TNR: variants seen among roughly 807,000 people sequenced by gnomAD.
The protein encoded by TNR is tenascin-R.
In TNR, 45 loss-of-function variants were observed where a neutral mutation model predicts 150.4. The ratio of observed to expected loss-of-function variants is 0.30; its 90% CI spans 0.24 to 0.38. TNR has a LOEUF of 0.38. Ranked by LOEUF, TNR falls within the 10% of genes least tolerant of loss-of-function variation. The pLI, the probability that TNR is intolerant of heterozygous loss-of-function variation, is 1.00. For synonymous variants in TNR, 687 were observed against 678.4 expected (o/e 1.01, Z -0.20); for missense variants, 1,544 against 1,759.1 (o/e 0.88, Z 2.19).
intron 2 of TNR, among the ~76,000 whole-genome samples, chr1:175,513,563 C>T (rs2102161615): frequency 6.6e-6 from 1 of 152,288 alleles, no homozygotes; most frequent in East Asian, 1.9e-4. Flanking sequence ...AGAAGCCCTC[C>T]TCATCTCAAG....
chr1:175,590,056 T>C (rs1662738241), intron 1 of TNR, among the ~76,000 whole-genome samples: 2 of 152,192 alleles, frequency 1.3e-5, no homozygotes, highest in African/African-American at 4.8e-5. Flanking sequence ...CAGACCCTAG[T>C]ATGATTTGAT....
chr1:175,391,469 G>T, intron 6 of TNR, 31 bp from the exon 7 acceptor site: 1 of 1,605,150 alleles, frequency 6.2e-7, no homozygotes, highest in South Asian at 1.1e-5. Context: ...GAGAGCAAAA[G>T]AGAAAAGTCA....
chr1:175,540,589 A>G (rs1218722110), intron 1 of TNR, among the ~76,000 whole-genome samples: 1 of 152,138 alleles, frequency 6.6e-6, no homozygotes, highest in Non-Finnish European at 1.5e-5. Flanking sequence ...GGGAGCAGAC[A>G]AGTACCCCAG....
At position 175,324,383 on chromosome 1, in the gene TNR, C is replaced by T. The variant is rs1296083247; in HGVS notation, c.3930G>A (p.Gly1310=). Residue 1310 remains glycine (G), a synonymous_variant, in exon 22 of 23, where the codon GGG becomes GGA. Transcript: ENST00000367674. Reference sequence around the variant, plus strand: ...GACTGTGCCTGGACTCCCCGTACTTCCCATTGAGGTTGGTCCGGTGGCAGT... The same window carrying T: ...GACTGTGCCTGGACTCCCCGTACTTTCCATTGAGGTTGGTCCGGTGGCAGT... The part of the protein sequence containing the change: ...YKNCHRTNLN[G]KYGESRHSQG... 2.5e-6 allele frequency: 4 copies of T among 1,614,034 alleles called. No homozygotes were observed. The East Asian group carries it at 8.9e-5, about 36-fold the overall frequency.
chr1:175,455,891 G>A (rs188332936), intron 2 of TNR, among the ~76,000 whole-genome samples: 9 of 152,268 alleles, frequency 5.9e-5, no homozygotes, highest in Non-Finnish European at 1.2e-4. Context: ...CCTGCATATG[G>A]AGGGACCACA....
chr1:175,465,183 C>A (rs1656977622), intron 2 of TNR, among the ~76,000 whole-genome samples: 1 of 152,190 alleles, frequency 6.6e-6, no homozygotes, highest in Admixed American at 6.5e-5. Flanking sequence ...AGCCTATAAT[C>A]CCAGCTCTAC....
At chr1:175,617,094 A>G (rs74127361) in intron 1 of TNR, among the ~76,000 whole-genome samples, 2,115 of 152,120 alleles carry the variant, frequency 0.014, 50 homozygotes, top group African/African-American at 0.049. Context: ...TCTTTCTTCT[A>G]TTAAGGAGTA....
chr1:175,684,991 G>A (rs1666145530), intron 1 of TNR, among the ~76,000 whole-genome samples: 1 of 151,970 alleles, frequency 6.6e-6, no homozygotes, highest in Non-Finnish European at 1.5e-5. Context: ...TTCCTTTCTG[G>A]CTTTTCCTAT....
intron 1 of TNR, among the ~76,000 whole-genome samples, chr1:175,682,667 G>A (rs536148575): frequency 6.6e-6 from 1 of 152,240 alleles, no homozygotes; most frequent in South Asian, 2.1e-4. Flanking sequence ...AAAGGTGCCT[G>A]CCCTGAGACG....
chr1:175,359,476 A>G (rs1053392423), intron 15 of TNR, 136 bp downstream of exon 15: 3 of 1,371,312 alleles, frequency 2.2e-6, no homozygotes, highest in Non-Finnish European at 3.0e-6. Flanking sequence ...AGGGCTTCAT[A>G]GTATACCTGA....
At chr1:175,712,589 G>A (rs754655308) in intron 1 of TNR, among the ~76,000 whole-genome samples, 1 of 152,106 alleles carries the variant, frequency 6.6e-6, no homozygotes, top group Non-Finnish European at 1.5e-5. Flanking sequence ...TGCTGGTGGT[G>A]GGGCCTGGTG....
chr1:175,484,816 A>G (rs1657944013), intron 2 of TNR, among the ~76,000 whole-genome samples: 1 of 152,208 alleles, frequency 6.6e-6, no homozygotes. Context: ...TGGAAGAAGG[A>G]ACACCACTTA....
At chr1:175,343,386 G>A (rs1171252173) in intron 18 of TNR, among the ~76,000 whole-genome samples, 1 of 152,138 alleles carries the variant, frequency 6.6e-6, no homozygotes, top group Non-Finnish European at 1.5e-5. Flanking sequence ...CATTATTCAA[G>A]TCTTGGCTCA....
chr1:175,338,294 A>C (rs1650343858), intron 18 of TNR, among the ~76,000 whole-genome samples: 1 of 152,242 alleles, frequency 6.6e-6, no homozygotes, highest in Non-Finnish European at 1.5e-5. Flanking sequence ...GTTCAGTTTA[A>C]GTTTAAGGAG....
chr1:175,694,084 T>C (rs1666446191), intron 1 of TNR, among the ~76,000 whole-genome samples: 1 of 152,216 alleles, frequency 6.6e-6, no homozygotes. Flanking sequence ...TGTCTAGTTT[T>C]ACCCATGTCC....
chr1:175,682,543 C>G (rs1666067254), intron 1 of TNR, among the ~76,000 whole-genome samples: 1 of 152,178 alleles, frequency 6.6e-6, no homozygotes, highest in African/African-American at 2.4e-5. Flanking sequence ...CTGACTCCCA[C>G]CATCTTCTGC....
At position 175,669,157 on chromosome 1, in the gene TNR, G is replaced by T. The variant is rs555083333; in HGVS notation, c.-165+74069C>A. Among the ~76,000 whole-genome samples, 19 of 152,322 alleles carry T rather than the reference G, an allele frequency of 1.2e-4. No individual in the cohort carries two copies. In the South Asian group the frequency reaches 2.7e-3, roughly 22 times the overall value. ...AGTGAGAGATAATTCATTATCTCAT[G>T]CAGGGCTCTGAGTGTTGAAGAGGTA... On this transcript the variant is annotated intron_variant, in intron 1 of 22. Coordinates refer to ENST00000367674, the MANE Select transcript of TNR (RefSeq NM_003285.3).
Position 175,320,571 on chromosome 1 carries a change from A to G in TNR, c.*2786T>C, listed in dbSNP as rs1255483244. 2.0e-5 allele frequency: 3 copies of G among 152,084 alleles called. No homozygotes were observed. Among genetic ancestry groups the G allele is most frequent in the African/African-American group, 4.8e-5 (2 of 41,396 alleles). The allele number at this position is 152,084 out of a possible 1,614,324, so 9.4% of individuals were successfully genotyped here. A position where few individuals can be genotyped will look rare whatever the true frequency, so the allele number is the denominator to read the frequency against. On this transcript the variant is annotated 3_prime_UTR_variant, in exon 23 of 23. Coordinates refer to ENST00000367674, the MANE Select transcript of TNR (RefSeq NM_003285.3). Reference sequence around the variant, plus strand: ...CTTTCACCTGAATTGACAACACATAATCTTTTTCCATTTCAACTTCCTTGA... The same window carrying G: ...CTTTCACCTGAATTGACAACACATAGTCTTTTTCCATTTCAACTTCCTTGA...
At chr1:175,573,020 C>T (rs554009458) in intron 1 of TNR, among the ~76,000 whole-genome samples, 3 of 152,226 alleles carry the variant, frequency 2.0e-5, no homozygotes, top group South Asian at 2.1e-4. Flanking sequence ...AAATATCTTG[C>T]GATTCATCCT....
Sources: gnomAD v4.1 joint callset for allele counts (sites outside exome capture counted in the v4.1 genomes callset) on GRCh38, gnomAD v4.1.1 for gene constraint, MANE v1.5 for transcripts, NCBI Gene and HGNC (gene_info 2026-07-23, HGNC 2026-07-21) for gene names.